LRRK2: variants seen among roughly 807,000 people sequenced by gnomAD.
LRRK2 encodes the protein leucine rich repeat kinase 2.
Under a neutral mutation model 302.6 loss-of-function variants are expected in LRRK2, and 203 were observed. The observed-to-expected ratio is 0.67, with a 90% CI of 0.60 to 0.75. The LOEUF (loss-of-function observed/expected upper bound fraction) is 0.75, where lower values mean the gene tolerates loss of function less well. LRRK2 is among the 30% of genes least tolerant of loss of function. The pLI is 0.00. For synonymous variants in LRRK2, 1,066 were observed against 1,031.9 expected (o/e 1.03, Z -0.63); for missense variants, 2,830 against 2,951.0 (o/e 0.96, Z 0.95).
intron 13 of LRRK2, among the ~76,000 whole-genome samples, chr12:40,260,257 A>C (rs981303693): frequency 6.6e-6 from 1 of 152,048 alleles, no homozygotes; most frequent in African/African-American, 2.4e-5. Flanking sequence ...AGGAGCTTAG[A>C]GGTAGATGGA....
In LRRK2 at chr12:40,324,020, A is replaced by G. The variant is rs575964627; in HGVS notation, c.5656+714A>G. On this transcript the variant is annotated intron_variant, in intron 38 of 50. Coordinates refer to ENST00000298910, the MANE Select transcript of LRRK2 (RefSeq NM_198578.4). ...TGGGCCTAAAAGATGTTTTTAAAAC[A>G]TGCTCATACACTTCAGAAGATGAAA... Among the ~76,000 whole-genome samples, 12 of 152,266 alleles carry G rather than the reference A, an allele frequency of 7.9e-5. No individual in the cohort carries two copies. The East Asian group carries it at 1.9e-3, about 24-fold the overall frequency.
At chr12:40,258,591 C>T (rs974294616) in intron 12 of LRRK2, among the ~76,000 whole-genome samples, 2 of 152,102 alleles carry the variant, frequency 1.3e-5, no homozygotes, top group African/African-American at 2.4e-5. Context: ...TTGGCTCTGA[C>T]AGTGTGTCTG....
At chr12:40,253,552 A>T (rs973424587) in intron 11 of LRRK2, among the ~76,000 whole-genome samples, 1 of 152,036 alleles carries the variant, frequency 6.6e-6, no homozygotes. Context: ...TACCTGGCTA[A>T]TTTTTTGCAG....
In LRRK2 at chr12:40,310,560, C is replaced by A. The variant is rs114908017; in HGVS notation, c.4447C>A (p.Arg1483=). The change falls in exon 31 of 51, where the codon CGA becomes AGA. Residue 1483 remains arginine (R), a synonymous_variant. Coordinates refer to ENST00000298910, the MANE Select transcript of LRRK2 (RefSeq NM_198578.4). The stretch of plus-strand genomic sequence containing the variant: ...GAATAAGCGAGGGTTCCCTGCCATA[C>A]GAGATTACCACTTTGTGAATGCCAC... ...LLNKRGFPAI[R]DYHFVNATEE... The A allele has an allele frequency of 1.4e-5, 22 of 1,612,220 alleles. No homozygotes were observed. Among genetic ancestry groups the A allele is most frequent in the Non-Finnish European group, 1.8e-5 (21 of 1,179,592 alleles).
chr12:40,362,915 T>A (rs898359567), intron 47 of LRRK2, among the ~76,000 whole-genome samples: 3 of 152,128 alleles, frequency 2.0e-5, no homozygotes, highest in African/African-American at 7.2e-5. Context: ...ACTGCAAAGA[T>A]ATCCCTTGCT....
chr12:40,310,605 G>A lies in LRRK2; in HGVS notation c.4492G>A (p.Ala1498Thr). ...VNATEESDALAKLRKTIINES... is the reference protein window; with the variant it reads ...VNATEESDALTKLRKTIINES... ...TGCCACCGAGGAATCTGATGCTTTG[G>A]CAAAACTTCGGAAAACCATCATAAA... The change falls in exon 31 of 51, where the codon GCA becomes ACA. Residue 1498 changes from alanine (A) to threonine (T), a missense_variant. Around this residue, in one of 3 missense-constraint regions of LRRK2, gnomAD observed 2,121 missense variants for 2,148.0 expected, o/e 0.99. Transcript: ENST00000298910. The A allele has an allele frequency of 6.2e-7, 1 of 1,612,358 alleles. No individual in the cohort carries two copies. The highest frequency in any genetic ancestry group is 2.2e-5 in the East Asian group (1 of 44,854).
At chr12:40,272,958 A>T (rs10506150) in intron 14 of LRRK2, among the ~76,000 whole-genome samples, 12,357 of 151,964 alleles carry the variant, frequency 0.081, 647 homozygotes, top group South Asian at 0.16. Context: ...TCTCTCGTTA[A>T]CTCTTGTTTT....
intron 48 of LRRK2, 86 bp from the exon 49 acceptor site, chr12:40,364,756 T>TA: frequency 9.0e-7 from 1 of 1,116,548 alleles, no homozygotes; most frequent in South Asian, 1.3e-5. Context: ...TTTAATAATT[T>TA]AAAATGTTGT....
At chr12:40,232,011 C>T (rs913806533) in intron 2 of LRRK2, among the ~76,000 whole-genome samples, 1 of 151,756 alleles carries the variant, frequency 6.6e-6, no homozygotes, top group African/African-American at 2.4e-5. Flanking sequence ...ACCATCTTGG[C>T]CACATTGGTC....
intron 44 of LRRK2, 42 bp downstream of exon 44, chr12:40,351,775 T>G: frequency 6.3e-7 from 1 of 1,579,672 alleles, no homozygotes; most frequent in Non-Finnish European, 8.7e-7. Context: ...ATTTAAAGCA[T>G]ATACCATTTG....
chr12:40,322,565 AGT>A (rs1477617026), intron 37 of LRRK2, 55 bp downstream of exon 37: 1 of 1,472,802 alleles, frequency 6.8e-7, no homozygotes, highest in African/African-American at 1.4e-5. Context: ...ATACTTATGA[AGT>A]GACTTTTAAT....
At chr12:40,253,219 T>C (rs1942357399) in intron 11 of LRRK2, among the ~76,000 whole-genome samples, 1 of 152,178 alleles carries the variant, frequency 6.6e-6, no homozygotes, top group African/African-American at 2.4e-5. Flanking sequence ...ATTTGTTGTA[T>C]ATTTTTCCGG....
intron 38 of LRRK2, among the ~76,000 whole-genome samples, chr12:40,325,571 A>G (rs1304273309): frequency 6.6e-6 from 1 of 152,218 alleles, no homozygotes; most frequent in African/African-American, 2.4e-5. Flanking sequence ...CTCAGATGTG[A>G]CAATCAAAAA....
chr12:40,232,917 T>C (rs968750089), intron 3 of LRRK2: 1 of 152,510 alleles, frequency 6.6e-6, no homozygotes, highest in Non-Finnish European at 1.5e-5. Context: ...CAAATCTTGA[T>C]AGTAATTTTA....
At chr12:40,323,443 GAT>G (rs1945457792) in intron 38 of LRRK2, 137 bp downstream of exon 38, 3 of 806,656 alleles carry the variant, frequency 3.7e-6, no homozygotes, top group South Asian at 1.9e-5. Flanking sequence ...TATTTGGAAT[GAT>G]ATATTTTAAA....
intron 21 of LRRK2, among the ~76,000 whole-genome samples, chr12:40,294,169 A>ATCTG (rs1463029895): frequency 1.6e-5 from 2 of 123,822 alleles, no homozygotes; most frequent in Non-Finnish European, 3.6e-5. Context: ...CTATCTATCT[A>ATCTG]TCTATCTATC....
Position 40,258,836 on chromosome 12 carries a change from A to G in LRRK2, c.1419-644A>G, listed in dbSNP as rs138860808. On this transcript the variant is annotated intron_variant, in intron 12 of 50. Coordinates refer to ENST00000298910, the MANE Select transcript of LRRK2 (RefSeq NM_198578.4). Reference sequence around the variant, plus strand: ...CCACAGAACCATGCAAAGTGAGAACATGGTTCTGATATGCACAAGTTTCAG... The same window carrying G: ...CCACAGAACCATGCAAAGTGAGAACGTGGTTCTGATATGCACAAGTTTCAG... Among the ~76,000 whole-genome samples the G allele has an allele frequency of 8.7e-4, 133 of 152,322 alleles. 5 individuals are homozygous for G. The East Asian group carries it at 0.025, about 28-fold the overall frequency.
intron 2 of LRRK2, among the ~76,000 whole-genome samples, chr12:40,229,709 A>G (rs1592131398): frequency 6.6e-6 from 1 of 152,200 alleles, no homozygotes; most frequent in East Asian, 1.9e-4. Context: ...ACTGTGCAAG[A>G]TGGGAACCTT....
chr12:40,245,163 A>G (rs942379929), intron 7 of LRRK2, among the ~76,000 whole-genome samples: 22 of 152,048 alleles, frequency 1.4e-4, no homozygotes, highest in African/African-American at 3.1e-4. Context: ...TCCTTTCCCT[A>G]AGATAATAAA....
Sources: gnomAD v4.1 joint callset for allele counts (sites outside exome capture counted in the v4.1 genomes callset) on GRCh38, gnomAD v4.1.1 for gene constraint, gnomAD v4.1.1 regional missense constraint, MANE v1.5 for transcripts, NCBI Gene and HGNC (gene_info 2026-07-23, HGNC 2026-07-21) for gene names.